The following NXPH1 variants were observed in gnomAD, a reference collection of about 807,000 sequenced individuals.
The protein encoded by NXPH1 is neurexophilin-1.
NXPH1 carries 5 observed loss-of-function variants against 23.7 expected under a neutral mutation model. The observed-to-expected ratio is 0.21, with a 90% CI of 0.11 to 0.44. The LOEUF (loss-of-function observed/expected upper bound fraction) is 0.44. Among genes scored for constraint, NXPH1 ranks in the 20% least tolerant of loss-of-function variants. The pLI is 0.99. For synonymous variants in NXPH1, 144 were observed against 122.2 expected (o/e 1.18, Z -1.18); for missense variants, 324 against 321.6 (o/e 1.01, Z -0.06).
intron 2 of NXPH1, among the ~76,000 whole-genome samples, chr7:8,548,639 T>C (rs56302450): frequency 0.056 from 8,527 of 151,604 alleles, 328 homozygotes; most frequent in Middle Eastern, 0.12. Flanking sequence ...AAAGTTAGTA[T>C]TATACAGGGG....
chr7:8,473,317 A>C (rs999446814), intron 2 of NXPH1, among the ~76,000 whole-genome samples: 2 of 152,056 alleles, frequency 1.3e-5, no homozygotes, highest in African/African-American at 4.8e-5. Context: ...AATGCATTAC[A>C]CCCAGGCTAT....
chr7:8,691,451 T>G (rs1246325240), intron 2 of NXPH1, among the ~76,000 whole-genome samples: 1 of 152,148 alleles, frequency 6.6e-6, no homozygotes, highest in Non-Finnish European at 1.5e-5. Flanking sequence ...ATCCTGCCCT[T>G]TCTAGAACTT....
At chr7:8,550,109 G>A (rs1245951193) in intron 2 of NXPH1, among the ~76,000 whole-genome samples, 2 of 151,452 alleles carry the variant, frequency 1.3e-5, no homozygotes, top group African/African-American at 2.4e-5. Context: ...ACTTGCCTGC[G>A]GTGATCTGGA....
At chr7:8,606,394 T>G (rs1411501947) in intron 2 of NXPH1, among the ~76,000 whole-genome samples, 2 of 152,198 alleles carry the variant, frequency 1.3e-5, no homozygotes, top group African/African-American at 2.4e-5. Context: ...AACAATCTTG[T>G]GCCTGCTTCA....
intron 2 of NXPH1, among the ~76,000 whole-genome samples, chr7:8,720,821 A>G (rs182594488): frequency 1.1e-4 from 16 of 152,344 alleles, no homozygotes; most frequent in Admixed American, 3.9e-4. Context: ...CAATTTGTCA[A>G]TCTAAAGTTC....
chr7:8,460,919 G>A (rs1816684144), intron 2 of NXPH1, among the ~76,000 whole-genome samples: 1 of 152,180 alleles, frequency 6.6e-6, no homozygotes, highest in Non-Finnish European at 1.5e-5. Flanking sequence ...AAAGTACCTG[G>A]CACTCACTCA....
chr7:8,691,474 T>G (rs1354771025), intron 2 of NXPH1, among the ~76,000 whole-genome samples: 1 of 152,194 alleles, frequency 6.6e-6, no homozygotes, highest in African/African-American at 2.4e-5. Flanking sequence ...TAATGTCACC[T>G]CTACAAAAAC....
chr7:8,693,891 G>T (rs1398738854), intron 2 of NXPH1, among the ~76,000 whole-genome samples: 4 of 152,058 alleles, frequency 2.6e-5, no homozygotes, highest in Non-Finnish European at 5.9e-5. Context: ...CACTCTAAAA[G>T]TGTCCCAGTT....
intron 2 of NXPH1, among the ~76,000 whole-genome samples, chr7:8,648,353 C>T (rs1481377674): frequency 6.6e-6 from 1 of 152,156 alleles, no homozygotes; most frequent in Non-Finnish European, 1.5e-5. Flanking sequence ...CTTCTACTCT[C>T]TACGTTCATT....
intron 2 of NXPH1, among the ~76,000 whole-genome samples, chr7:8,622,952 T>G (rs2115125650): frequency 6.6e-6 from 1 of 152,224 alleles, no homozygotes; most frequent in Middle Eastern, 3.4e-3. Context: ...TAACATGAAA[T>G]TTATTGTTAT....
intron 2 of NXPH1, among the ~76,000 whole-genome samples, chr7:8,664,861 G>GT (rs1820735674): frequency 6.6e-6 from 1 of 151,746 alleles, no homozygotes; most frequent in Admixed American, 6.6e-5. Flanking sequence ...TTATTTGACT[G>GT]TTTTTTAATT....
At chr7:8,633,478 C>T (rs949028735) in intron 2 of NXPH1, among the ~76,000 whole-genome samples, 15 of 152,152 alleles carry the variant, frequency 9.9e-5, no homozygotes, top group Non-Finnish European at 1.8e-4. Context: ...TAGAATTATG[C>T]GGATGTGAAA....
intron 2 of NXPH1, among the ~76,000 whole-genome samples, chr7:8,653,719 T>C (rs541054608): frequency 4.1e-4 from 62 of 152,362 alleles, no homozygotes; most frequent in Non-Finnish European, 1.6e-4. Flanking sequence ...GCAGCCCATC[T>C]GCTTCTTTGG....
intron 2 of NXPH1, among the ~76,000 whole-genome samples, chr7:8,470,757 G>C (rs1816860263): frequency 6.6e-6 from 1 of 152,110 alleles, no homozygotes; most frequent in Admixed American, 6.5e-5. Flanking sequence ...CTGTCAACTT[G>C]TCACCATAAA....
At chr7:8,535,495 C>T (rs1818013342) in intron 2 of NXPH1, among the ~76,000 whole-genome samples, 1 of 151,698 alleles carries the variant, frequency 6.6e-6, no homozygotes. Context: ...CTGACACTGT[C>T]TTGGTGACTG....
At chr7:8,747,726 A>T (rs1780494889) in intron 2 of NXPH1, among the ~76,000 whole-genome samples, 1 of 152,200 alleles carries the variant, frequency 6.6e-6, no homozygotes, top group African/African-American at 2.4e-5. Flanking sequence ...GTAACTAGGC[A>T]AGTGCAGATT....
At chr7:8,686,903 C>G (rs1821154344) in intron 2 of NXPH1, among the ~76,000 whole-genome samples, 1 of 152,026 alleles carries the variant, frequency 6.6e-6, no homozygotes, top group African/African-American at 2.4e-5. Flanking sequence ...TTACCATAAA[C>G]AAATGACGAT....
At chr7:8,676,952 G>C (rs1820962493) in intron 2 of NXPH1, among the ~76,000 whole-genome samples, 1 of 152,148 alleles carries the variant, frequency 6.6e-6, no homozygotes, top group Non-Finnish European at 1.5e-5. Flanking sequence ...TGCTAACCCT[G>C]CTACAAATTT....
chr7:8,602,819 A>C (rs1819389759), intron 2 of NXPH1, among the ~76,000 whole-genome samples: 1 of 152,066 alleles, frequency 6.6e-6, no homozygotes, highest in Non-Finnish European at 1.5e-5. Flanking sequence ...CAAACTCAAC[A>C]ATAGTGGACT....
Sources: allele counts gnomAD v4.1 joint callset (sites outside exome capture counted in the v4.1 genomes callset), GRCh38; gene constraint gnomAD v4.1.1; transcripts MANE v1.5; gene names NCBI Gene and HGNC (gene_info 2026-07-23, HGNC 2026-07-21).